CELF1: variants seen among roughly 807,000 people sequenced by gnomAD.
CELF1 encodes CUGBP Elav-like family member 1, also known as 50 kDa nuclear polyadenylated RNA-binding protein.
A neutral mutation model predicts 61.8 loss-of-function variants in CELF1; 10 were observed. The ratio of observed to expected loss-of-function variants is 0.16; its 90% CI spans 0.10 to 0.27. CELF1 has a LOEUF of 0.27. CELF1 is among the 10% of genes least tolerant of loss of function. The pLI is 1.00. For missense variants in CELF1, 380 were observed against 639.1 expected (o/e 0.59, Z 4.37); for synonymous variants, 236 against 225.1 (o/e 1.05, Z -0.43).
intron 1 of CELF1, among the ~76,000 whole-genome samples, chr11:47,530,962 A>G (rs2153689716): frequency 6.6e-6 from 1 of 152,174 alleles, no homozygotes; most frequent in South Asian, 2.1e-4. Flanking sequence ...TCTTAAAACA[A>G]AAAGCCCGGC....
intron 1 of CELF1, among the ~76,000 whole-genome samples, chr11:47,511,855 G>C (rs2095212048): frequency 6.6e-6 from 1 of 151,512 alleles, no homozygotes; most frequent in Non-Finnish European, 1.5e-5. Context: ...AGTTGAGTCT[G>C]ACTTTTTTTT....
At chr11:47,543,761 TA>T (rs75482377) in intron 1 of CELF1, among the ~76,000 whole-genome samples, 32,869 of 148,612 alleles carry the variant, frequency 0.22, 4,230 homozygotes, top group African/African-American at 0.34. Context: ...ACCCCGTCTC[TA>T]AAAAAAAAAG....
chr11:47,490,425 G>GT (rs373523637), intron 3 of CELF1, among the ~76,000 whole-genome samples: 4,925 of 130,058 alleles, frequency 0.038, 221 homozygotes, highest in East Asian at 0.19. Context: ...CAACATGCTA[G>GT]TTTTTTTTTT....
intron 2 of CELF1, among the ~76,000 whole-genome samples, chr11:47,560,824 A>C (rs980040556): frequency 6.6e-6 from 1 of 152,190 alleles, no homozygotes; most frequent in Non-Finnish European, 1.5e-5. Flanking sequence ...CTTTCTGTGC[A>C]TCTAAATTAT....
chr11:47,492,673 A>G (rs2092007007), intron 3 of CELF1, among the ~76,000 whole-genome samples: 1 of 152,126 alleles, frequency 6.6e-6, no homozygotes, highest in Non-Finnish European at 1.5e-5. Flanking sequence ...TGGAGGTTGC[A>G]GTGAGCTGAG....
chr11:47,498,471 G>A (rs927789587), intron 3 of CELF1, among the ~76,000 whole-genome samples: 28 of 152,144 alleles, frequency 1.8e-4, no homozygotes, highest in Non-Finnish European at 2.6e-4. Flanking sequence ...GAACTGTTTG[G>A]TATCTACTAT....
At chr11:47,516,105 C>T (rs1280278798) in intron 1 of CELF1, among the ~76,000 whole-genome samples, 3 of 150,804 alleles carry the variant, frequency 2.0e-5, no homozygotes, top group South Asian at 4.2e-4. Flanking sequence ...TGGGAGGCTA[C>T]GGCAGGAAGA....
chr11:47,507,072 AAT>A (rs2094562740), intron 1 of CELF1, among the ~76,000 whole-genome samples: 1 of 152,224 alleles, frequency 6.6e-6, no homozygotes, highest in Non-Finnish European at 1.5e-5. Context: ...AGTTGCATTT[AAT>A]ATCTCAAGGC....
intron 1 of CELF1, among the ~76,000 whole-genome samples, chr11:47,520,977 C>G (rs1400944387): frequency 2.0e-5 from 3 of 152,192 alleles, no homozygotes; most frequent in Non-Finnish European, 2.9e-5. Flanking sequence ...GAGGGCCGGG[C>G]GTGGTGGCTC....
Position 47,478,925 on chromosome 11 carries a change from C to A in CELF1, c.796G>T (p.Ala266Ser). The A allele has an allele frequency of 6.2e-7, 1 of 1,613,012 alleles. No individual in the cohort carries two copies. The highest frequency in any genetic ancestry group is 1.1e-5 in the South Asian group (1 of 90,798). Residue 266 changes from alanine to serine, a missense_variant, in exon 10 of 15, where the codon GCC becomes TCC. Physicochemically the swap from Ala to Ser is moderately conservative, Grantham distance 99. Transcript: ENST00000687097. ...ALYLQLLQQT[A>S]SSGNLNTLSS... ...AGGGTGTTGAGGTTCCCAGAGGAGG[C>A]AGTCTGCTGAAGGAGCTGCAAATAA...
intron 6 of CELF1, among the ~76,000 whole-genome samples, chr11:47,486,406 G>C (rs1274322207): frequency 6.6e-6 from 1 of 151,704 alleles, no homozygotes; most frequent in Non-Finnish European, 1.5e-5. Context: ...AAACAAACTA[G>C]GCAGAAATCT....
At chr11:47,565,495 C>T (rs939671387) in exon 1 of CELF1, 2 of 838,492 alleles carry the variant, frequency 2.4e-6, no homozygotes, top group Non-Finnish European at 3.1e-6. Context: ...CAGTCCCCGC[C>T]GTCACCCGGT....
chr11:47,559,182 G>A (rs1398962775), intron 2 of CELF1, among the ~76,000 whole-genome samples: 2 of 149,334 alleles, frequency 1.3e-5, no homozygotes, highest in African/African-American at 2.5e-5. Context: ...CACAACCTCC[G>A]TCTCCCGGAT....
At chr11:47,561,375 G>A (rs374147995) in intron 2 of CELF1, among the ~76,000 whole-genome samples, 13 of 147,988 alleles carry the variant, frequency 8.8e-5, no homozygotes, top group Non-Finnish European at 7.4e-5. Flanking sequence ...CCCAGGAGGC[G>A]GAGCTTGCAG....
At chr11:47,488,457 T>A (rs1024335444) in intron 4 of CELF1, among the ~76,000 whole-genome samples, 1 of 152,214 alleles carries the variant, frequency 6.6e-6, no homozygotes, top group Non-Finnish European at 1.5e-5. Flanking sequence ...TAAAGAAAAC[T>A]TTATGTGGTT....
At chr11:47,527,397 C>CA (rs922095210) in intron 1 of CELF1, among the ~76,000 whole-genome samples, 10 of 151,706 alleles carry the variant, frequency 6.6e-5, no homozygotes, top group East Asian at 3.9e-4. Context: ...CCTCAAAAAA[C>CA]AAAAAAAATT....
At chr11:47,502,404 A>G (rs1360269787) in intron 1 of CELF1, among the ~76,000 whole-genome samples, 1 of 152,204 alleles carries the variant, frequency 6.6e-6, no homozygotes, top group East Asian at 1.9e-4. Context: ...GAGGTTATGA[A>G]GTTAAGTGAT....
chr11:47,505,175 T>C (rs1236603693), intron 1 of CELF1, among the ~76,000 whole-genome samples: 1 of 151,326 alleles, frequency 6.6e-6, no homozygotes, highest in South Asian at 2.1e-4. Flanking sequence ...CCTTGGAGTA[T>C]CTGTCAGTAA....
chr11:47,553,164 C>G (rs186661957), upstream of CELF1: 1 of 394,128 alleles, frequency 2.5e-6, no homozygotes, highest in Non-Finnish European at 4.5e-6. Context: ...GCACCTACCA[C>G]CGGCGGGGAG....
Sources: gnomAD v4.1 joint callset for allele counts (sites outside exome capture counted in the v4.1 genomes callset) on GRCh38, gnomAD v4.1.1 for gene constraint, MANE v1.5 for transcripts, NCBI Gene and HGNC (gene_info 2026-07-23, HGNC 2026-07-21) for gene names.